Variants in ATP6V0E1 observed in about 807,000 individuals in gnomAD.
ATP6V0E1 encodes the protein ATPase H+ transporting V0 subunit e1.
In ATP6V0E1, 4 loss-of-function variants were observed where a neutral mutation model predicts 11.6. The ratio of observed to expected loss-of-function variants is 0.35; its 90% CI spans 0.17 to 0.79. The LOEUF (loss-of-function observed/expected upper bound fraction) is 0.79, where lower values mean the gene tolerates loss of function less well. Ranked by LOEUF, ATP6V0E1 falls within the 30% of genes least tolerant of loss-of-function variation. ATP6V0E1 has a pLI of 0.54. For missense variants in ATP6V0E1, 105 were observed against 100.0 expected (o/e 1.05, Z -0.21); for synonymous variants, 36 against 34.8 (o/e 1.04, Z -0.13).
chr5:173,023,962 C>A (rs1397781456), intron 3 of ATP6V0E1, among the ~76,000 whole-genome samples: 2 of 151,996 alleles, frequency 1.3e-5, no homozygotes, highest in African/African-American at 4.8e-5. Context: ...CTTTGGGAGG[C>A]AAGGCGAGTG....
At chr5:172,998,453 T>A (rs1032499532) in intron 2 of ATP6V0E1, among the ~76,000 whole-genome samples, 13 of 151,708 alleles carry the variant, frequency 8.6e-5, no homozygotes, top group South Asian at 2.1e-4. Context: ...CTAAAAAAAA[T>A]TTTTAAAATT....
chr5:173,005,690 C>T (rs1390482195), intron 2 of ATP6V0E1, among the ~76,000 whole-genome samples: 2 of 152,090 alleles, frequency 1.3e-5, no homozygotes, highest in Non-Finnish European at 2.9e-5. Context: ...ATTATTTCTT[C>T]CTTCTTACTT....
At chr5:173,020,075 TTTG>T (rs1756456625) in intron 2 of ATP6V0E1, among the ~76,000 whole-genome samples, 160 bp from the exon 3 acceptor site, 1 of 152,110 alleles carries the variant, frequency 6.6e-6, no homozygotes, top group African/African-American at 2.4e-5. Context: ...TGGGAAACAT[TTTG>T]TTATCAGACA....
chr5:172,984,015 G>C, intron 1 of ATP6V0E1, 51 bp downstream of exon 1: 1 of 1,566,242 alleles, frequency 6.4e-7, no homozygotes, highest in Non-Finnish European at 8.8e-7. Flanking sequence ...GGAGCTAGCA[G>C]GCCGGGGCGG....
intron 2 of ATP6V0E1, among the ~76,000 whole-genome samples, chr5:173,017,711 C>T (rs1208910853): frequency 3.3e-5 from 5 of 150,280 alleles, no homozygotes; most frequent in South Asian, 2.1e-4. Flanking sequence ...GATGGTGGCG[C>T]GTGCCTGTAA....
intron 2 of ATP6V0E1, among the ~76,000 whole-genome samples, chr5:173,017,563 C>A (rs1017571288): frequency 2.1e-5 from 3 of 146,130 alleles, no homozygotes; most frequent in African/African-American, 7.6e-5. Flanking sequence ...CGATTCCTGG[C>A]CGGCTGCAGT....
chr5:173,000,151 G>GT (rs1367266006), intron 2 of ATP6V0E1, among the ~76,000 whole-genome samples: 2 of 152,078 alleles, frequency 1.3e-5, no homozygotes, highest in South Asian at 2.1e-4. Context: ...GTTTGTTGCA[G>GT]TTTTTTCTGG....
chr5:173,005,714 G>A (rs1485666187), intron 2 of ATP6V0E1, among the ~76,000 whole-genome samples: 1 of 151,752 alleles, frequency 6.6e-6, no homozygotes, highest in Non-Finnish European at 1.5e-5. Flanking sequence ...ATTTAATTTC[G>A]TCTTTTCTAG....
Position 172,983,881 on chromosome 5 carries a change from T to G in ATP6V0E1, c.21T>G (p.Thr7=), listed in dbSNP as rs1417002797. The change falls in exon 1 of 4, where the codon ACT becomes ACG. Residue 7 remains threonine, a synonymous_variant. Transcript: ENST00000519374. MAYHGL[T]VPLIVMSVFW... The stretch of plus-strand genomic sequence containing the variant: ...CGACCATGGCGTATCACGGCCTCAC[T>G]GTGCCTCTCATTGTGATGAGCGTGT... 1.1e-5 allele frequency: 18 copies of G among 1,613,802 alleles called. No homozygotes were observed. The highest frequency in any genetic ancestry group is 1.5e-5 in the Non-Finnish European group (18 of 1,179,832).
At chr5:173,011,056 A>C (rs1031647471) in intron 2 of ATP6V0E1, among the ~76,000 whole-genome samples, 2 of 152,124 alleles carry the variant, frequency 1.3e-5, no homozygotes, top group South Asian at 4.1e-4. Context: ...CTCACAGCTC[A>C]TGAGTCCCTT....
intron 2 of ATP6V0E1, among the ~76,000 whole-genome samples, chr5:173,017,602 G>A (rs1180801124): frequency 1.3e-5 from 2 of 151,128 alleles, no homozygotes; most frequent in Non-Finnish European, 1.5e-5. Context: ...CAGCACTTTG[G>A]GAGGCCAAGG....
chr5:173,031,284 A>G (rs1397332600), intron 3 of ATP6V0E1, among the ~76,000 whole-genome samples: 2 of 149,490 alleles, frequency 1.3e-5, no homozygotes, highest in Admixed American at 1.3e-4. Context: ...GGGGTACATC[A>G]TGTTGTCCAG....
intron 1 of ATP6V0E1, among the ~76,000 whole-genome samples, chr5:172,984,963 T>C (rs936906617): frequency 6.6e-6 from 1 of 152,114 alleles, no homozygotes; most frequent in African/African-American, 2.4e-5. Context: ...AAAAAGATTT[T>C]TGGCCAGGTG....
chr5:172,985,150 C>T (rs749241973), intron 1 of ATP6V0E1, among the ~76,000 whole-genome samples: 1 of 149,896 alleles, frequency 6.7e-6, no homozygotes, highest in East Asian at 2.0e-4. Flanking sequence ...GAGGCTGAGG[C>T]AGGAGAATGG....
intron 2 of ATP6V0E1, among the ~76,000 whole-genome samples, chr5:173,009,829 T>C (rs1158217384): frequency 4.1e-5 from 6 of 146,258 alleles, no homozygotes; most frequent in African/African-American, 1.5e-4. Context: ...AGTGGCACAA[T>C]CTGAGCTCAC....
chr5:173,032,693 T>C (rs1369157525), intron 3 of ATP6V0E1, among the ~76,000 whole-genome samples: 1 of 152,206 alleles, frequency 6.6e-6, no homozygotes, highest in Non-Finnish European at 1.5e-5. Flanking sequence ...TTTTTGATTG[T>C]TTCTTTGTCA....
chr5:173,020,842 G>C (rs1756470410), intron 3 of ATP6V0E1: 1 of 519,872 alleles, frequency 1.9e-6, no homozygotes, highest in African/African-American at 1.9e-5. Flanking sequence ...GTGGCGTCTG[G>C]CACTGGTGCA....
intron 3 of ATP6V0E1, among the ~76,000 whole-genome samples, chr5:173,023,122 G>A (rs1440289065): frequency 6.6e-6 from 1 of 152,086 alleles, no homozygotes; most frequent in African/African-American, 2.4e-5. Flanking sequence ...CTTCCAGAGT[G>A]TTGTGATTAT....
At chr5:173,015,197 C>T (rs1459380759) in intron 2 of ATP6V0E1, among the ~76,000 whole-genome samples, 1 of 152,220 alleles carries the variant, frequency 6.6e-6, no homozygotes, top group Non-Finnish European at 1.5e-5. Context: ...TCTACTACTA[C>T]CTAATTAGCA....
Sources: allele counts gnomAD v4.1 joint callset (sites outside exome capture counted in the v4.1 genomes callset), GRCh38; gene constraint gnomAD v4.1.1; transcripts MANE v1.5; gene names NCBI Gene and HGNC (gene_info 2026-07-23, HGNC 2026-07-21).